Variants in HS6ST1 observed in about 807,000 individuals in gnomAD.
The protein encoded by HS6ST1 is heparan-sulfate 6-O-sulfotransferase 1.
In HS6ST1, 3 loss-of-function variants were observed where a neutral mutation model predicts 25.2. That is an observed-to-expected ratio of 0.12 (90% CI 0.05 to 0.31). The LOEUF (loss-of-function observed/expected upper bound fraction) is 0.31, where lower values mean the gene tolerates loss of function less well. Among genes scored for constraint, HS6ST1 ranks in the 10% least tolerant of loss-of-function variants. HS6ST1 has a pLI of 1.00. For synonymous variants in HS6ST1, 204 were observed against 275.1 expected (o/e 0.74, Z 2.56); for missense variants, 310 against 609.6 (o/e 0.51, Z 5.18).
At chr2:128,294,022 T>C (rs902986111) in intron 1 of HS6ST1, among the ~76,000 whole-genome samples, 1 of 152,190 alleles carries the variant, frequency 6.6e-6, no homozygotes, top group Admixed American at 6.5e-5. Context: ...CCGAAGCCAG[T>C]AGGCTTGGCT....
intron 1 of HS6ST1, among the ~76,000 whole-genome samples, chr2:128,272,648 T>C (rs774559185): frequency 1.7e-4 from 26 of 152,046 alleles, no homozygotes; most frequent in Non-Finnish European, 3.8e-4. Flanking sequence ...TGAGGCAGAG[T>C]TGGGGGCCAG....
At chr2:128,291,633 A>G (rs1693953898) in intron 1 of HS6ST1, among the ~76,000 whole-genome samples, 1 of 152,164 alleles carries the variant, frequency 6.6e-6, no homozygotes, top group Non-Finnish European at 1.5e-5. Flanking sequence ...GGCAAGGTGG[A>G]CCTCAAGGGA....
intron 1 of HS6ST1, among the ~76,000 whole-genome samples, chr2:128,285,643 C>G (rs553142201): frequency 6.6e-6 from 1 of 152,190 alleles, no homozygotes; most frequent in African/African-American, 2.4e-5. Flanking sequence ...AGGAAAGGCC[C>G]GTCTGTGGCA....
Position 128,268,862 on chromosome 2 carries a change from T to C in HS6ST1, c.536A>G (p.Tyr179Cys), listed in dbSNP as rs1256223327. 6.2e-7 allele frequency: 1 copy of C among 1,607,974 alleles called. No homozygotes were observed. Among genetic ancestry groups the C allele is most frequent in the Admixed American group, 1.7e-5 (1 of 60,024 alleles). ...GGGGTCTCGTAGCAGGGTGATGTAGTAGAACTTCCTGCAAGGAGACGGGGA... is the reference window on the plus strand; with the variant it reads ...GGGGTCTCGTAGCAGGGTGATGTAGCAGAACTTCCTGCAAGGAGACGGGGA... ...SAALRTPRKF[Y>C]YITLLRDPVS... The change falls in exon 2 of 2, where the codon TAC (tyrosine) becomes TGC (cysteine). Residue 179 changes from tyrosine to cysteine, a missense_variant. This residue lies in a region of HS6ST1 where 98 missense variants were observed against 270.3 expected (regional missense o/e 0.36). Coordinates refer to ENST00000259241, the MANE Select transcript of HS6ST1 (RefSeq NM_004807.3).
chr2:128,272,038 G>A (rs986427776), intron 1 of HS6ST1, among the ~76,000 whole-genome samples: 10 of 152,216 alleles, frequency 6.6e-5, no homozygotes, highest in Admixed American at 1.3e-4. Flanking sequence ...CTGAAGGCAG[G>A]AGCCTGGTGG....
At chr2:128,294,972 T>C (rs1421958905) in intron 1 of HS6ST1, among the ~76,000 whole-genome samples, 2 of 152,110 alleles carry the variant, frequency 1.3e-5, no homozygotes, top group East Asian at 1.9e-4. Context: ...GTGGGCCCCA[T>C]GACCTACTCC....
chr2:128,306,113 C>T (rs1241123005), intron 1 of HS6ST1, among the ~76,000 whole-genome samples: 2 of 152,178 alleles, frequency 1.3e-5, no homozygotes, highest in East Asian at 1.9e-4. Flanking sequence ...CAAAACAGCG[C>T]CCCTGACAGT....
chr2:128,289,094 G>C (rs1359009379), intron 1 of HS6ST1, among the ~76,000 whole-genome samples: 2 of 152,106 alleles, frequency 1.3e-5, no homozygotes, highest in African/African-American at 4.8e-5. Context: ...CCCCAGACAG[G>C]GAAATTCAGA....
intron 1 of HS6ST1, among the ~76,000 whole-genome samples, chr2:128,306,982 C>T (rs986913887): frequency 6.6e-6 from 1 of 151,500 alleles, no homozygotes. Flanking sequence ...GTGACACAGG[C>T]AGGCTTCCCT....
intron 1 of HS6ST1, among the ~76,000 whole-genome samples, chr2:128,316,772 T>C (rs552631282): frequency 4.3e-4 from 66 of 152,198 alleles, no homozygotes; most frequent in African/African-American, 1.5e-3. Context: ...CCTCCAACTC[T>C]AGGACCCCAA....
chr2:128,286,290 G>A (rs950715494), intron 1 of HS6ST1, among the ~76,000 whole-genome samples: 3 of 152,208 alleles, frequency 2.0e-5, no homozygotes, highest in African/African-American at 7.2e-5. Context: ...CGAGGTCTGC[G>A]GGCTGGAGCC....
chr2:128,302,919 G>A (rs936728489), intron 1 of HS6ST1, among the ~76,000 whole-genome samples: 2 of 152,144 alleles, frequency 1.3e-5, no homozygotes, highest in African/African-American at 2.4e-5. Flanking sequence ...CTTCTCCCCC[G>A]ACGGCCTGCC....
chr2:128,274,305 A>G (rs1693658019), intron 1 of HS6ST1, among the ~76,000 whole-genome samples: 1 of 152,196 alleles, frequency 6.6e-6, no homozygotes, highest in South Asian at 2.1e-4. Flanking sequence ...CCCTTGAAGC[A>G]TCTGGACAAA....
At chr2:128,312,540 C>A (rs180794757) in intron 1 of HS6ST1, among the ~76,000 whole-genome samples, 54 of 152,238 alleles carry the variant, frequency 3.5e-4, no homozygotes, top group African/African-American at 1.1e-3. Flanking sequence ...GTGATGGGCA[C>A]CCAGAGAGGG....
chr2:128,306,299 G>C (rs1474732155), intron 1 of HS6ST1, among the ~76,000 whole-genome samples: 3 of 152,152 alleles, frequency 2.0e-5, no homozygotes, highest in African/African-American at 4.8e-5. Flanking sequence ...GGAGGACGTG[G>C]CCGCGCCGCT....
At chr2:128,281,520 G>A (rs1222479643) in intron 1 of HS6ST1, among the ~76,000 whole-genome samples, 1 of 152,214 alleles carries the variant, frequency 6.6e-6, no homozygotes, top group Non-Finnish European at 1.5e-5. Flanking sequence ...CCGGAAAGCG[G>A]ATGTGACCGC....
Position 128,268,781 on chromosome 2 carries a change from G to A in HS6ST1, c.617C>T (p.Thr206Met), listed in dbSNP as rs374223212. The change falls in exon 2 of 2, where the codon ACG becomes ATG. Residue 206 changes from threonine to methionine, a missense_variant. Coordinates refer to ENST00000259241, the MANE Select transcript of HS6ST1 (RefSeq NM_004807.3). Reference sequence around the variant, plus strand: ...GCGCCCATCACACATATGCAACGACGTCTTCCACGTGGCACCCCTCTGCAC... The same window carrying A: ...GCGCCCATCACACATATGCAACGACATCTTCCACGTGGCACCCCTCTGCAC... ...RHVQRGATWK[T>M]SLHMCDGRTP... 3.1e-5 allele frequency: 50 copies of A among 1,612,630 alleles called. No individual in the cohort carries two copies. The highest frequency in any genetic ancestry group is 4.5e-5 in the East Asian group (2 of 44,886).
At chr2:128,305,838 G>C (rs926007747) in intron 1 of HS6ST1, among the ~76,000 whole-genome samples, 7 of 152,172 alleles carry the variant, frequency 4.6e-5, no homozygotes, top group Non-Finnish European at 1.0e-4. Flanking sequence ...GACCTGCCCA[G>C]GTTCCCTGCA....
At chr2:128,303,967 G>C (rs1412065999) in intron 1 of HS6ST1, among the ~76,000 whole-genome samples, 1 of 152,224 alleles carries the variant, frequency 6.6e-6, no homozygotes, top group Admixed American at 6.5e-5. Context: ...GAGGAAGGGT[G>C]AATCTCCTCT....
Sources: allele counts gnomAD v4.1 joint callset (sites outside exome capture counted in the v4.1 genomes callset), GRCh38; gene constraint gnomAD v4.1.1; regional missense constraint gnomAD v4.1.1; transcripts MANE v1.5; gene names NCBI Gene and HGNC (gene_info 2026-07-23, HGNC 2026-07-21).